The following SORD variants were observed in gnomAD, a reference collection of about 807,000 sequenced individuals.
SORD encodes the protein sorbitol dehydrogenase.
A neutral mutation model predicts 35.6 loss-of-function variants in SORD; 18 were observed. The ratio of observed to expected loss-of-function variants is 0.51; its 90% CI spans 0.35 to 0.75. The LOEUF (loss-of-function observed/expected upper bound fraction) is 0.75, where lower values mean the gene tolerates loss of function less well. Among genes scored for constraint, SORD ranks in the 30% least tolerant of loss-of-function variants. The pLI is 0.01. For synonymous variants in SORD, 106 were observed against 152.9 expected, an observed-to-expected ratio of 0.69 and a Z score of 2.26; for missense variants, 250 against 390.2, an observed-to-expected ratio of 0.64 and a Z score of 3.03.
chr15:45,068,507 T>TAGAGC (rs3986116), intron 6 of SORD, among the ~76,000 whole-genome samples: 2,464 of 150,674 alleles, frequency 0.016, 41 homozygotes, highest in African/African-American at 0.039. Flanking sequence ...TATGAGGGTG[T>TAGAGC]AGAGCAGGGG....
At chr15:45,066,108 G>T (rs1369906057) in intron 5 of SORD, among the ~76,000 whole-genome samples, 2 of 151,582 alleles carry the variant, frequency 1.3e-5, no homozygotes, top group African/African-American at 2.4e-5. Context: ...GCCAGGCGTG[G>T]TGGTGCACCC....
At chr15:45,049,649 A>G (rs1014340014) in intron 3 of SORD, among the ~76,000 whole-genome samples, 4 of 152,178 alleles carry the variant, frequency 2.6e-5, no homozygotes, top group Non-Finnish European at 5.9e-5. Flanking sequence ...CCTCTGAGTT[A>G]TGGGCTGCCC....
chr15:45,072,682 G>A (rs1893530961), intron 8 of SORD, among the ~76,000 whole-genome samples: 1 of 145,242 alleles, frequency 6.9e-6, no homozygotes, highest in African/African-American at 2.8e-5. Flanking sequence ...TAGTCTTACT[G>A]AGTGTCTGCT....
chr15:45,037,192 A>C (rs1056877710), intron 1 of SORD, among the ~76,000 whole-genome samples: 1 of 152,224 alleles, frequency 6.6e-6, no homozygotes, highest in Non-Finnish European at 1.5e-5. Flanking sequence ...AATTTATTTG[A>C]ACTTCTCCAT....
intron 1 of SORD, among the ~76,000 whole-genome samples, chr15:45,038,580 GT>G (rs1204852207): frequency 6.6e-6 from 1 of 152,182 alleles, no homozygotes; most frequent in Non-Finnish European, 1.5e-5. Context: ...GGAAACACTA[GT>G]TTGGATAGTG....
intron 6 of SORD, among the ~76,000 whole-genome samples, chr15:45,068,553 A>G (rs982895683): frequency 6.6e-6 from 1 of 151,814 alleles, no homozygotes; most frequent in Non-Finnish European, 1.5e-5. Context: ...CCACATTGGA[A>G]GAATGGTCTT....
intron 1 of SORD, among the ~76,000 whole-genome samples, chr15:45,026,708 GCTTTC>G (rs1892675489): frequency 6.6e-6 from 1 of 152,236 alleles, no homozygotes; most frequent in South Asian, 2.1e-4. Flanking sequence ...ATCATTATTT[GCTTTC>G]CAAAAAGTGT....
chr15:45,073,003 G>T (rs564191107), intron 8 of SORD, among the ~76,000 whole-genome samples: 3 of 134,900 alleles, frequency 2.2e-5, no homozygotes, highest in Admixed American at 6.8e-5. Context: ...CAGTTTTCCA[G>T]TAAGCTGAGC....
intron 1 of SORD, among the ~76,000 whole-genome samples, chr15:45,026,869 C>T (rs958345006): frequency 9.5e-5 from 12 of 126,084 alleles, no homozygotes; most frequent in Admixed American, 4.4e-4. Flanking sequence ...TGGGGGAATG[C>T]GACCTTAGTC....
chr15:45,053,295 G>T (rs1463729762), intron 3 of SORD, among the ~76,000 whole-genome samples: 1 of 152,192 alleles, frequency 6.6e-6, no homozygotes, highest in African/African-American at 2.4e-5. Flanking sequence ...TCTCTTATGA[G>T]ATTCTGAACT....
intron 5 of SORD, among the ~76,000 whole-genome samples, chr15:45,066,784 T>C (rs1362986596): frequency 2.6e-5 from 4 of 152,270 alleles, no homozygotes; most frequent in Non-Finnish European, 5.9e-5. Context: ...GTGATGGATG[T>C]AGAATAGACT....
intron 5 of SORD, among the ~76,000 whole-genome samples, chr15:45,065,969 TG>T (rs1475321624): frequency 6.6e-6 from 1 of 151,826 alleles, no homozygotes; most frequent in Non-Finnish European, 1.5e-5. Flanking sequence ...AGAATGAATC[TG>T]GGCCAGGCGG....
intron 5 of SORD, among the ~76,000 whole-genome samples, chr15:45,067,670 G>C (rs1242816733): frequency 6.6e-6 from 1 of 152,038 alleles, no homozygotes; most frequent in African/African-American, 2.4e-5. Flanking sequence ...GAGTATCCTG[G>C]GGCTATCTGG....
intron 3 of SORD, among the ~76,000 whole-genome samples, chr15:45,050,321 T>C (rs1396744706): frequency 6.6e-6 from 1 of 152,180 alleles, no homozygotes; most frequent in Non-Finnish European, 1.5e-5. Context: ...GACCTTGTGA[T>C]CCACCTGCCT....
At chr15:45,060,126 C>A (rs142028988) in intron 3 of SORD, among the ~76,000 whole-genome samples, 2,272 of 152,124 alleles carry the variant, frequency 0.015, 32 homozygotes, top group Non-Finnish European at 0.025. Flanking sequence ...CAGGCTGAAG[C>A]ATTTAAGGGT....
intron 1 of SORD, among the ~76,000 whole-genome samples, chr15:45,028,393 C>A (rs1892714928): frequency 1.3e-5 from 2 of 152,224 alleles, no homozygotes. Context: ...CTGTACATTG[C>A]ATTACAAATC....
chr15:45,034,542 G>A (rs1016230722), intron 1 of SORD, among the ~76,000 whole-genome samples: 1 of 152,238 alleles, frequency 6.6e-6, no homozygotes, highest in African/African-American at 2.4e-5. Context: ...TATGTGAGAG[G>A]TACCTGAGAT....
At chr15:45,064,842 G>A (rs377642813) in intron 4 of SORD, among the ~76,000 whole-genome samples, 17 of 152,298 alleles carry the variant, frequency 1.1e-4, no homozygotes, top group South Asian at 6.2e-4. Context: ...CCACCATACC[G>A]TAGCTTGGAT....
chr15:45,023,556 C>T lies in SORD; in HGVS notation c.66+207C>T, dbSNP rs536806997. Among the ~76,000 whole-genome samples, 685 of 152,364 alleles carry T rather than the reference C, an allele frequency of 4.5e-3. 7 individuals carry two copies. The highest frequency in any genetic ancestry group is 0.016 in the African/African-American group (662 of 41,590). On this transcript the variant is annotated intron_variant, in intron 1 of 8. Transcript: ENST00000267814. ...GGGCAGGGATCTAGTCGTGTGCCTC[C>T]CGGAACCTAGCCCCGTGGCTGGCAC...
Sources: allele counts gnomAD v4.1 joint callset (sites outside exome capture counted in the v4.1 genomes callset), GRCh38; gene constraint gnomAD v4.1.1; transcripts MANE v1.5; gene names NCBI Gene and HGNC (gene_info 2026-07-23, HGNC 2026-07-21).